MS4A10: variants seen among roughly 807,000 people sequenced by gnomAD.
The protein encoded by MS4A10 is membrane spanning 4-domains A10.
MS4A10 carries 27 observed loss-of-function variants against 27.7 expected under a neutral mutation model. The ratio of observed to expected loss-of-function variants is 0.98; its 90% CI spans 0.72 to 1.35. MS4A10 has a LOEUF of 1.35. Ranked by LOEUF, MS4A10 falls within the 40% of genes most tolerant of loss-of-function variation. The pLI is 0.00. For synonymous variants in MS4A10, 139 were observed against 131.2 expected (o/e 1.06, Z -0.41); for missense variants, 338 against 324.7 (o/e 1.04, Z -0.32).
intron 6 of MS4A10, among the ~76,000 whole-genome samples, chr11:60,797,074 A>T (rs898420176): frequency 6.6e-6 from 1 of 152,148 alleles, no homozygotes; most frequent in African/African-American, 2.4e-5. Context: ...TTCATTTAAC[A>T]TCAAGCAGAG....
chr11:60,797,654 G>A (rs920000354), intron 6 of MS4A10, among the ~76,000 whole-genome samples: 3 of 152,102 alleles, frequency 2.0e-5, no homozygotes, highest in African/African-American at 4.8e-5. Flanking sequence ...CAATCTCAAA[G>A]CTGATTGGAA....
chr11:60,799,776 C>T, intron 7 of MS4A10, 52 bp from the exon 8 acceptor site: 1 of 830,528 alleles, frequency 1.2e-6, no homozygotes, highest in Non-Finnish European at 2.1e-6. Flanking sequence ...TTAATCCTCC[C>T]ATCGATCTGT....
intron 6 of MS4A10, 140 bp from the exon 7 acceptor site, chr11:60,798,256 C>T (rs1281095922): frequency 1.2e-5 from 8 of 660,204 alleles, no homozygotes; most frequent in South Asian, 1.8e-5. Flanking sequence ...CTATGGAAGT[C>T]GCTTCGTCTC....
At position 60,799,884 on chromosome 11, in the gene MS4A10, C is replaced by T. The variant is rs755833758; in HGVS notation, c.779C>T (p.Ala260Val). 28 of 1,613,712 alleles carry T rather than the reference C, an allele frequency of 1.7e-5. No individual in the cohort carries two copies. In the Admixed American group the frequency reaches 2.3e-4, roughly 13 times the overall value. ...PDTWIVTDGA[A>V]IWTQTAN ...ACATGGATAGTCACTGACGGAGCTG[C>T]GATCTGGACCCAGACTGCAAACTGA... Residue 260 changes from alanine (A) to valine (V), a missense_variant, in exon 8 of 8, where the codon GCG becomes GTG. Coordinates refer to ENST00000308287, the MANE Select transcript of MS4A10 (RefSeq NM_206893.4).
intron 3 of MS4A10, among the ~76,000 whole-genome samples, 193 bp downstream of exon 3, chr11:60,791,286 G>A (rs1004715833): frequency 6.6e-6 from 1 of 152,182 alleles, no homozygotes; most frequent in African/African-American, 2.4e-5. Context: ...TCCTTCCAGG[G>A]AGCCCCTGTC....
intron 1 of MS4A10, among the ~76,000 whole-genome samples, chr11:60,789,514 C>T (rs1025031038): frequency 3.3e-5 from 5 of 152,192 alleles, no homozygotes; most frequent in Non-Finnish European, 7.3e-5. Flanking sequence ...CCCATGAGAA[C>T]ATCCAGAACA....
At chr11:60,787,405 AG>A (rs1854358269) in intron 1 of MS4A10, among the ~76,000 whole-genome samples, 1 of 152,300 alleles carries the variant, frequency 6.6e-6, no homozygotes, top group African/African-American at 2.4e-5. Context: ...AAGGCGTACG[AG>A]AGAGTCATAA....
intron 1 of MS4A10, among the ~76,000 whole-genome samples, chr11:60,789,041 C>G (rs1200776792): frequency 6.6e-6 from 1 of 152,200 alleles, no homozygotes; most frequent in Non-Finnish European, 1.5e-5. Context: ...TTGATAATGT[C>G]CCTTCCTTTC....
chr11:60,794,509 T>C (rs190348681), intron 5 of MS4A10, among the ~76,000 whole-genome samples: 18 of 152,300 alleles, frequency 1.2e-4, no homozygotes, highest in African/African-American at 3.6e-4. Context: ...AAGTCCACTT[T>C]GTTACCCTCA....
chr11:60,800,307 C>T lies in MS4A10; in HGVS notation c.*398C>T, dbSNP rs943870829. The T allele has an allele frequency of 2.8e-5, 5 of 177,240 alleles. No individual in the cohort carries two copies. The highest frequency in any genetic ancestry group is 6.0e-5 in the Non-Finnish European group (5 of 83,672). 11.0% of individuals were successfully genotyped at this position (177,240 alleles called of 1,614,324 possible). A position where few individuals can be genotyped will look rare whatever the true frequency, so the allele number is the denominator to read the frequency against. Reference sequence around the variant, plus strand: ...CTGGGACTATAGGCACACGCCACCACGCCCAGCTAATTTTTATATTTTTAG... The same window carrying T: ...CTGGGACTATAGGCACACGCCACCATGCCCAGCTAATTTTTATATTTTTAG... On this transcript the variant is annotated 3_prime_UTR_variant, in exon 8 of 8. Coordinates refer to ENST00000308287, the MANE Select transcript of MS4A10 (RefSeq NM_206893.4).
At chr11:60,795,472 G>A in intron 5 of MS4A10, 83 bp from the exon 6 acceptor site, 1 of 817,874 alleles carries the variant, frequency 1.2e-6, no homozygotes, top group Non-Finnish European at 1.8e-6. Flanking sequence ...TCTTAGCAAG[G>A]ACCCCTGCCT....
chr11:60,793,859 C>G, intron 4 of MS4A10, 113 bp from the exon 5 acceptor site: 1 of 1,234,774 alleles, frequency 8.1e-7, no homozygotes, highest in South Asian at 1.4e-5. Flanking sequence ...GGCCCAGTGA[C>G]AGGCAGAGTC....
At position 60,798,323 on chromosome 11, in the gene MS4A10, C is replaced by G. The variant is rs367965782; in HGVS notation, c.604-73C>G. ...ACTTGAGTCTTCAGAAGTGAACTAG[C>G]AGAGAAGTGTTTCGGAAGCAGCCAG... On this transcript the variant is annotated intron_variant, in intron 6 of 7. Transcript: ENST00000308287. 40 of 1,154,554 alleles carry G rather than the reference C, an allele frequency of 3.5e-5. No individual in the cohort carries two copies. In the East Asian group the frequency reaches 3.5e-4, roughly 10 times the overall value. 71.5% of individuals were successfully genotyped at this position (1,154,554 alleles called of 1,614,324 possible).
In MS4A10 at chr11:60,799,895, C is replaced by T. The variant is rs200389357; in HGVS notation, c.790C>T (p.Gln264Ter). 1.3e-5 allele frequency: 21 copies of T among 1,614,080 alleles called. No individual in the cohort carries two copies. Among genetic ancestry groups the T allele is most frequent in the Non-Finnish European group, 1.7e-6 (2 of 1,180,044 alleles). The change falls in exon 8 of 8, where the codon CAG becomes TAG. Residue 264 changes from glutamine to a stop codon, truncating the protein, a stop_gained. Coordinates refer to ENST00000308287, the MANE Select transcript of MS4A10 (RefSeq NM_206893.4). LOFTEE classifies it high-confidence loss of function. Reference protein sequence around the residue: ...IVTDGAAIWTQTAN With the variant: ...IVTDGAAIWT ...CACTGACGGAGCTGCGATCTGGACC[C>T]AGACTGCAAACTGAAGAGCCACTGC...
In MS4A10 at chr11:60,800,041, C is replaced by T. The variant is rs986237014; in HGVS notation, c.*132C>T. On this transcript the variant is annotated 3_prime_UTR_variant, in exon 8 of 8. Coordinates refer to ENST00000308287, the MANE Select transcript of MS4A10 (RefSeq NM_206893.4). ...GCGATGGTCTATACAGCAAAGTCAG[C>T]CCTCACAGCTCCTGGGAACGCTGTC... 3 of 1,322,106 alleles carry T rather than the reference C, an allele frequency of 2.3e-6. No homozygotes were observed. Among genetic ancestry groups the T allele is most frequent in the African/African-American group, 1.5e-5 (1 of 66,614 alleles). The allele number at this position is 1,322,106 out of a possible 1,614,324, so 81.9% of individuals were successfully genotyped here.
At chr11:60,791,228 C>T in intron 3 of MS4A10, 135 bp downstream of exon 3, 1 of 1,157,352 alleles carries the variant, frequency 8.6e-7, no homozygotes, top group South Asian at 1.6e-5. Context: ...GCCCTTTCTC[C>T]AGTGTTCCTA....
intron 1 of MS4A10, among the ~76,000 whole-genome samples, chr11:60,787,090 A>G (rs1254489482): frequency 6.6e-6 from 1 of 152,150 alleles, no homozygotes; most frequent in East Asian, 1.9e-4. Context: ...CTGAAGGAAC[A>G]ACGAGAATAT....
intron 3 of MS4A10, 114 bp downstream of exon 3, chr11:60,791,207 G>A: frequency 7.4e-7 from 1 of 1,358,722 alleles, no homozygotes; most frequent in East Asian, 2.3e-5. Flanking sequence ...TAGGAGTGCG[G>A]CAGAAGCGAG....
intron 1 of MS4A10, among the ~76,000 whole-genome samples, chr11:60,786,754 C>T (rs1303245474): frequency 2.6e-5 from 4 of 152,156 alleles, no homozygotes; most frequent in Admixed American, 2.0e-4. Flanking sequence ...AGACACGCAA[C>T]AGGCCAGTGG....
Sources: gnomAD v4.1 joint callset for allele counts (sites outside exome capture counted in the v4.1 genomes callset) on GRCh38, gnomAD v4.1.1 for gene constraint, MANE v1.5 for transcripts, NCBI Gene and HGNC (gene_info 2026-07-23, HGNC 2026-07-21) for gene names.